The following MRC2 variants were observed in gnomAD, a reference collection of about 807,000 sequenced individuals.
MRC2 encodes C-type mannose receptor 2.
In MRC2, 84 loss-of-function variants were observed where a neutral mutation model predicts 206.2. The observed-to-expected ratio is 0.41, with a 90% CI of 0.34 to 0.49. MRC2 has a LOEUF of 0.49. MRC2 is among the 20% of genes least tolerant of loss of function. The pLI is 0.31. For synonymous variants in MRC2, 798 were observed against 800.0 expected (o/e 1.00, Z 0.04); for missense variants, 1,676 against 2,001.5 (o/e 0.84, Z 3.10).
Position 62,674,262 on chromosome 17 carries a change from ATGG to A in MRC2, c.1569+93_1569+95del. ...GGTGGATGAACTCCTGCTGCCTCGCATGGCATCGCCCTCTCGTCGGCACCCCCT... is the reference window on the plus strand; with the variant it reads ...GGTGGATGAACTCCTGCTGCCTCGCACATCGCCCTCTCGTCGGCACCCCCT... On this transcript the variant is annotated intron_variant, in intron 9 of 29. Transcript: ENST00000303375. The A allele has an allele frequency of 8.9e-6, 8 of 900,714 alleles. No homozygotes were observed. In the Admixed American group the frequency reaches 1.2e-4, roughly 13 times the overall value. 55.8% of individuals were successfully genotyped at this position (900,714 alleles called of 1,614,324 possible).
intron 20 of MRC2, among the ~76,000 whole-genome samples, chr17:62,685,773 C>T (rs1408689433): frequency 2.6e-5 from 4 of 152,126 alleles, no homozygotes; most frequent in African/African-American, 9.7e-5. Context: ...AACTTCTGGG[C>T]TCAAGCGATC....
Position 62,689,552 on chromosome 17 carries a change from T to G in MRC2, c.3365T>G (p.Leu1122Arg). The stretch of plus-strand genomic sequence containing the variant: ...TCCCTGAGCCCGTCCCCAGCAGCGC[T>G]GCCCCCCGCCCCGGGCACTGAGCTC... ...DPSLSPSPAA[L>R]PPAPGTELSY... Residue 1122 changes from leucine (L) to arginine (R), a missense_variant, in exon 24 of 30, where the codon CTG (leucine) becomes CGG (arginine). Transcript: ENST00000303375. 1 of 1,592,846 alleles carries G rather than the reference T, an allele frequency of 6.3e-7. No homozygotes were observed. The highest frequency in any genetic ancestry group is 8.6e-7 in the Non-Finnish European group (1 of 1,169,168).
In MRC2 at chr17:62,671,471, T is replaced by C. The variant is rs918324404; in HGVS notation, c.1118-178T>C. On this transcript the variant is annotated intron_variant, in intron 6 of 29. Coordinates refer to ENST00000303375, the MANE Select transcript of MRC2 (RefSeq NM_006039.5). The surrounding 1 kb of genome is among the most constrained non-coding windows in gnomAD (Gnocchi z 4.5). ...CTCTGTCCCGGGGCTCCAGCAGCCC[T>C]GTAAAGTTTTGTGTTTTTTTAGCAT... Among the ~76,000 whole-genome samples, 16 of 152,206 alleles carry C rather than the reference T, an allele frequency of 1.1e-4. No individual in the cohort carries two copies. Among genetic ancestry groups the C allele is most frequent in the African/African-American group, 3.9e-4 (16 of 41,456 alleles).
intron 1 of MRC2, among the ~76,000 whole-genome samples, chr17:62,639,114 C>A (rs1036071368): frequency 6.6e-6 from 1 of 152,148 alleles, no homozygotes; most frequent in African/African-American, 2.4e-5. Context: ...GCAGGCGGAT[C>A]ACCTGAGGTC....
At chr17:62,682,065 A>T in intron 19 of MRC2, 128 bp downstream of exon 19, 1 of 1,098,864 alleles carries the variant, frequency 9.1e-7, no homozygotes, top group Non-Finnish European at 1.3e-6. Context: ...GGCTAGACTC[A>T]GCGAGGGGTG....
At chr17:62,686,181 C>T (rs994748603) in intron 20 of MRC2, among the ~76,000 whole-genome samples, 6 of 152,126 alleles carry the variant, frequency 3.9e-5, no homozygotes, top group South Asian at 2.1e-4. Flanking sequence ...TGGCTGGGCG[C>T]GGTGGCTCAG....
intron 1 of MRC2, among the ~76,000 whole-genome samples, chr17:62,631,534 G>A (rs546167931): frequency 7.8e-4 from 119 of 152,166 alleles, no homozygotes; most frequent in African/African-American, 2.7e-3. Flanking sequence ...AGGAAAGCCT[G>A]GGAAATTCTG....
intron 1 of MRC2, among the ~76,000 whole-genome samples, chr17:62,639,678 G>A (rs956814151): frequency 6.6e-6 from 1 of 152,202 alleles, no homozygotes; most frequent in Non-Finnish European, 1.5e-5. Flanking sequence ...GGGCTGGAGT[G>A]CAGTGGCACA....
chr17:62,661,465 T>C (rs2147460085), intron 1 of MRC2, among the ~76,000 whole-genome samples: 1 of 152,306 alleles, frequency 6.6e-6, no homozygotes, highest in Middle Eastern at 3.4e-3. Flanking sequence ...ATTTTTTTGG[T>C]AGAAGCTCTT....
rs1214009079 is a variant in MRC2 at position 62,667,825 on chromosome 17, T to A, written c.1117+292T>A. ...GACAGACATCTCAATGCAGTTAGAC[T>A]ATCCCAGGTCATGAGTGATTATAGA... On this transcript the variant is annotated intron_variant, in intron 6 of 29. Coordinates refer to ENST00000303375, the MANE Select transcript of MRC2 (RefSeq NM_006039.5). The surrounding 1 kb of genome is among the most constrained non-coding windows in gnomAD (Gnocchi z 4.1). Among the ~76,000 whole-genome samples the A allele has an allele frequency of 6.6e-6, 1 of 152,262 alleles. No homozygotes were observed. Among genetic ancestry groups the A allele is most frequent in the African/African-American group, 2.4e-5 (1 of 41,474 alleles).
At chr17:62,636,824 T>C (rs2429397) in intron 1 of MRC2, among the ~76,000 whole-genome samples, 102,125 of 151,848 alleles carry the variant, frequency 0.67, 34,495 homozygotes, top group East Asian at 0.81. Flanking sequence ...CAGGCCTGGC[T>C]TTGAACTTCT....
chr17:62,652,370 C>G lies in MRC2; in HGVS notation c.119-12178C>G, dbSNP rs2088565699. Among the ~76,000 whole-genome samples, 1 of 152,240 alleles carries G rather than the reference C, an allele frequency of 6.6e-6. No homozygotes were observed. Among genetic ancestry groups the G allele is most frequent in the Admixed American group, 6.5e-5 (1 of 15,286 alleles). ...TGCGTTATGGAGTGGTGGCCGCTGTCGGCGATGGGGTCCCCGCGAGGGCAC... is the reference window on the plus strand; with the variant it reads ...TGCGTTATGGAGTGGTGGCCGCTGTGGGCGATGGGGTCCCCGCGAGGGCAC... On this transcript the variant is annotated intron_variant, in intron 1 of 29. Transcript: ENST00000303375. The surrounding 1 kb of genome is among the most constrained non-coding windows in gnomAD (Gnocchi z 4.6).
At chr17:62,647,958 T>C (rs777415890) in intron 1 of MRC2, among the ~76,000 whole-genome samples, 6 of 152,158 alleles carry the variant, frequency 3.9e-5, no homozygotes, top group Non-Finnish European at 8.8e-5. Flanking sequence ...GTCTACGCAG[T>C]GGACAGGAGG....
chr17:62,688,989 C>G (rs752802542), intron 23 of MRC2, 29 bp downstream of exon 23: 2 of 1,572,556 alleles, frequency 1.3e-6, no homozygotes, highest in East Asian at 4.5e-5. Context: ...CTGGGAAACC[C>G]CAGTGGGGCC....
chr17:62,672,331 AATC>A lies in MRC2; in HGVS notation c.1461+180_1461+182del, dbSNP rs2088836365. On this transcript the variant is annotated intron_variant, in intron 8 of 29. Transcript: ENST00000303375. This position sits in a 1 kb window ranked among gnomAD's most constrained non-coding sequence, Gnocchi z 4.5. ...CCATGTGAGAGACTGCCGGGGCTTG[AATC>A]CTACCTCCACCTCCACCTCCAAGTA... Among the ~76,000 whole-genome samples the A allele has an allele frequency of 6.6e-6, 1 of 152,084 alleles. No homozygotes were observed. The highest frequency in any genetic ancestry group is 1.9e-4 in the East Asian group (1 of 5,184).
chr17:62,690,216 C>T lies in MRC2; in HGVS notation c.3803C>T (p.Ser1268Phe). The change falls in exon 26 of 30, where the codon TCC becomes TTC. Residue 1268 changes from serine (S) to phenylalanine (F), a missense_variant. Ser to Phe is a radical substitution (Grantham distance 155). Around this residue, in one of 3 missense-constraint regions of MRC2, gnomAD observed 1,354 missense variants for 1,636.6 expected, o/e 0.83. Coordinates refer to ENST00000303375, the MANE Select transcript of MRC2 (RefSeq NM_006039.5). ...AGCTGTCCCCAGGGACTGGCAGACT[C>T]CGCGTGGATTCCCTTCCGGGAGCAC... ...HGSCPQGLADSAWIPFREHCY... is the reference protein window; with the variant it reads ...HGSCPQGLADFAWIPFREHCY... The T allele has an allele frequency of 6.2e-7, 1 of 1,613,200 alleles. No homozygotes were observed.
At chr17:62,628,733 CA>C (rs1402900138) in intron 1 of MRC2, among the ~76,000 whole-genome samples, 1 of 152,138 alleles carries the variant, frequency 6.6e-6, no homozygotes, top group Admixed American at 6.5e-5. Flanking sequence ...GCTCCTTATT[CA>C]GGGGTAACAG....
chr17:62,631,662 G>A (rs1313379881), intron 1 of MRC2, among the ~76,000 whole-genome samples: 1 of 152,054 alleles, frequency 6.6e-6, no homozygotes, highest in Non-Finnish European at 1.5e-5. Context: ...TCACATGTCA[G>A]CGGTCTGGGC....
At chr17:62,636,088 ATT>A (rs1210168049) in intron 1 of MRC2, among the ~76,000 whole-genome samples, 1 of 144,390 alleles carries the variant, frequency 6.9e-6, no homozygotes, top group Non-Finnish European at 1.5e-5. Context: ...CGCCCGGCCA[ATT>A]TTTTTTTTTT....
Sources: gnomAD v4.1 joint callset for allele counts (sites outside exome capture counted in the v4.1 genomes callset) on GRCh38, gnomAD v4.1.1 for gene constraint, gnomAD v4.1.1 regional missense constraint, Gnocchi (gnomAD v3.1) non-coding constraint, MANE v1.5 for transcripts, NCBI Gene and HGNC (gene_info 2026-07-23, HGNC 2026-07-21) for gene names.